The following CEBPZ variants were observed in gnomAD, a reference collection of about 807,000 sequenced individuals.
CEBPZ encodes CCAAT enhancer binding protein zeta, also known as CCAAT/enhancer-binding protein zeta.
A neutral mutation model predicts 104.5 loss-of-function variants in CEBPZ; 78 were observed. That is an observed-to-expected ratio of 0.75 (90% CI 0.62 to 0.90). CEBPZ has a LOEUF of 0.90. Among genes scored for constraint, CEBPZ ranks in the 40% least tolerant of loss-of-function variants. The pLI is 0.00. For missense variants in CEBPZ, 1,439 were observed against 1,233.5 expected (o/e 1.17, Z -2.50); for synonymous variants, 470 against 427.0 (o/e 1.10, Z -1.24).
intron 5 of CEBPZ, among the ~76,000 whole-genome samples, chr2:37,217,802 T>A (rs1311243541): frequency 1.3e-5 from 2 of 149,098 alleles, no homozygotes; most frequent in South Asian, 2.1e-4. Flanking sequence ...CTCGGGAGGC[T>A]GAGGCAGGAG....
intron 13 of CEBPZ, among the ~76,000 whole-genome samples, chr2:37,206,824 C>A (rs767613606): frequency 6.6e-6 from 1 of 152,192 alleles, no homozygotes. Context: ...ATCTCAAATA[C>A]TACGTTGGAT....
At chr2:37,204,158 T>C (rs1677428844) in intron 13 of CEBPZ, 1 of 152,226 alleles carries the variant, frequency 6.6e-6, no homozygotes, top group African/African-American at 2.4e-5. Context: ...TAGTGATGTA[T>C]CTGTGACCTC....
Position 37,231,413 on chromosome 2 carries a change from T to C in CEBPZ, c.155A>G (p.Lys52Arg), listed in dbSNP as rs369896465. 3.1e-6 allele frequency: 5 copies of C among 1,613,952 alleles called. No individual in the cohort carries two copies. The East Asian group carries it at 8.9e-5, about 29-fold the overall frequency. ...LEEVLRLGGTKQDYLMLATLD... is the reference protein window; with the variant it reads ...LEEVLRLGGTRQDYLMLATLD... ...TTCCCCGGAGCCCGCGGCCGTTACC[T>C]TGGTGCCTCCGAGCCGTAACACTTC... is the stretch of plus-strand genomic sequence containing the variant. Residue 52 changes from lysine (K) to arginine (R), a missense_variant and splice_region_variant, in exon 1 of 16, where the codon AAG becomes AGG. By Grantham distance (26) the Lys-to-Arg change is conservative (BLOSUM62 2). Transcript: ENST00000234170.
chr2:37,209,525 CAAAA>C (rs1196082952), intron 13 of CEBPZ: 1 of 152,000 alleles, frequency 6.6e-6, no homozygotes, highest in Non-Finnish European at 1.5e-5. Context: ...ACAAAGTAAA[CAAAA>C]ACAAAGTGGG....
chr2:37,212,104 C>CT, intron 11 of CEBPZ, 65 bp from the exon 12 acceptor site: 3 of 1,375,970 alleles, frequency 2.2e-6, no homozygotes, highest in Non-Finnish European at 2.0e-6. Flanking sequence ...GTTTTGCTGA[C>CT]TACTAGGGCA....
At chr2:37,229,299 A>G (rs1664975730) in intron 1 of CEBPZ, among the ~76,000 whole-genome samples, 1 of 152,178 alleles carries the variant, frequency 6.6e-6, no homozygotes, top group Admixed American at 6.5e-5. Flanking sequence ...AAAAAATACA[A>G]GCAATTCCTA....
intron 15 of CEBPZ, 99 bp downstream of exon 15, chr2:37,202,685 A>G: frequency 8.9e-6 from 2 of 223,670 alleles, no homozygotes; most frequent in Middle Eastern, 1.4e-3. Context: ...AAAAAAAAAA[A>G]AAAAAAAGAA....
chr2:37,227,402 T>C (rs934275620), intron 2 of CEBPZ, 142 bp downstream of exon 2: 24 of 615,398 alleles, frequency 3.9e-5, no homozygotes, highest in East Asian at 1.7e-4. Flanking sequence ...GTGACTTACT[T>C]GAAGGTGGCG....
rs1677244250 is a variant in CEBPZ at position 37,201,686 on chromosome 2, G to A, written c.*78C>T. 3.5e-6 allele frequency: 3 copies of A among 865,366 alleles called. No homozygotes were observed. Among genetic ancestry groups the A allele is most frequent in the Non-Finnish European group, 5.8e-6 (3 of 520,226 alleles). The allele number at this position is 865,366 out of a possible 1,614,324, so 53.6% of individuals were successfully genotyped here. A position where few individuals can be genotyped will look rare whatever the true frequency, so the allele number is the denominator to read the frequency against. On this transcript the variant is annotated 3_prime_UTR_variant, in exon 16 of 16. Transcript: ENST00000234170. ...GAAGTCTGGAATGTATGGAATCAGA[G>A]AGCTAGATCAAAAAACATGGTTGAA...
intron 1 of CEBPZ, among the ~76,000 whole-genome samples, chr2:37,230,786 T>TCCAACTGACTGGAATGGCAGCTCAC (rs1462296365): frequency 2.0e-5 from 3 of 152,178 alleles, no homozygotes; most frequent in African/African-American, 7.2e-5. Context: ...CATTTGCTGT[T>TCCAACTGACTGGAATGGCAGCTCAC]CCAACTGACT....
chr2:37,210,935 A>C, intron 13 of CEBPZ, 64 bp downstream of exon 13: 1 of 1,216,888 alleles, frequency 8.2e-7, no homozygotes. Context: ...TTCATTTCCC[A>C]AAATGATAAT....
chr2:37,218,084 G>A (rs1264238601), intron 5 of CEBPZ, among the ~76,000 whole-genome samples: 3 of 151,180 alleles, frequency 2.0e-5, no homozygotes, highest in Non-Finnish European at 1.5e-5. Context: ...TGGCTAACAC[G>A]GTGAAACCCC....
At chr2:37,212,679 A>G in intron 10 of CEBPZ, 2 of 431,174 alleles carry the variant, frequency 4.6e-6, no homozygotes, top group Admixed American at 4.1e-5. Context: ...ATATTTAGCA[A>G]TTGTCGTCCT....
At chr2:37,216,771 C>T (rs562358630) in intron 6 of CEBPZ, among the ~76,000 whole-genome samples, 1 of 152,292 alleles carries the variant, frequency 6.6e-6, no homozygotes, top group Admixed American at 6.5e-5. Context: ...AAATAAATAA[C>T]TGCGTGGCTT....
At chr2:37,221,851 GAA>G (rs1345202679) in intron 4 of CEBPZ, among the ~76,000 whole-genome samples, 1 of 152,206 alleles carries the variant, frequency 6.6e-6, no homozygotes, top group Non-Finnish European at 1.5e-5. Context: ...AGCCTCAAAT[GAA>G]GGGGCTGCAT....
intron 8 of CEBPZ, among the ~76,000 whole-genome samples, chr2:37,215,706 ATTAAGT>A (rs1677851001): frequency 6.6e-6 from 1 of 152,212 alleles, no homozygotes; most frequent in Non-Finnish European, 1.5e-5. Flanking sequence ...GAAGTAGGTT[ATTAAGT>A]TTAAAATGAT....
intron 13 of CEBPZ, 71 bp from the exon 14 acceptor site, chr2:37,203,079 G>T (rs966558022): frequency 1.4e-5 from 14 of 1,035,216 alleles, no homozygotes; most frequent in African/African-American, 1.2e-4. Context: ...AATGCAACAT[G>T]ATTTTATTTT....
chr2:37,216,564 G>A, intron 6 of CEBPZ, 146 bp from the exon 7 acceptor site: 1 of 635,440 alleles, frequency 1.6e-6, no homozygotes, highest in East Asian at 2.7e-5. Flanking sequence ...TCTCTCTCAT[G>A]CACATTATAC....
Position 37,227,137 on chromosome 2 carries a change from T to C in CEBPZ, c.1649+407A>G, listed in dbSNP as rs189775001. Among the ~76,000 whole-genome samples, 248 of 152,300 alleles carry C rather than the reference T, an allele frequency of 1.6e-3. 1 individual carries two copies. The highest frequency in any genetic ancestry group is 5.5e-3 in the African/African-American group (230 of 41,570). ...GTTACTGTGTGAATGCATTCAACTG[T>C]GTGAAAGACAGCAGGGAAAAGATAG... On this transcript the variant is annotated intron_variant, in intron 2 of 15. Coordinates refer to ENST00000234170, the MANE Select transcript of CEBPZ (RefSeq NM_005760.3).
Sources: gnomAD v4.1 joint callset for allele counts (sites outside exome capture counted in the v4.1 genomes callset) on GRCh38, gnomAD v4.1.1 for gene constraint, MANE v1.5 for transcripts, NCBI Gene and HGNC (gene_info 2026-07-23, HGNC 2026-07-21) for gene names.